EDAR: variants seen among roughly 807,000 people sequenced by gnomAD.
The protein encoded by EDAR is ectodysplasin A receptor.
Under a neutral mutation model 51.3 loss-of-function variants are expected in EDAR, and 38 were observed. The ratio of observed to expected loss-of-function variants is 0.74; its 90% CI spans 0.57 to 0.97. EDAR has a LOEUF of 0.97. EDAR is among the 50% of genes least tolerant of loss of function. The pLI, the probability that EDAR is intolerant of heterozygous loss-of-function variation, is 0.00. For missense variants in EDAR, 528 were observed against 595.0 expected (o/e 0.89, Z 1.17); for synonymous variants, 227 against 242.1 (o/e 0.94, Z 0.58).
intron 11 of EDAR, among the ~76,000 whole-genome samples, chr2:108,901,964 G>A (rs2105380778): frequency 6.6e-6 from 1 of 152,106 alleles, no homozygotes; most frequent in East Asian, 1.9e-4. Context: ...TTAGGGCTGG[G>A]CATGGTGGCT....
At chr2:108,961,785 C>T (rs1348785971) in intron 1 of EDAR, among the ~76,000 whole-genome samples, 1 of 152,140 alleles carries the variant, frequency 6.6e-6, no homozygotes, top group African/African-American at 2.4e-5. Flanking sequence ...GGTCTTTTAA[C>T]CTGCTGCTGC....
intron 2 of EDAR, 103 bp downstream of exon 2, chr2:108,930,861 G>T: frequency 1.6e-6 from 2 of 1,265,886 alleles, no homozygotes; most frequent in Non-Finnish European, 2.3e-6. Context: ...GTGGAGGAGG[G>T]ACTATGATCA....
Position 108,930,837 on chromosome 2 carries a change from C to T in EDAR, c.51+127G>A. The T allele has an allele frequency of 6.5e-6, 7 of 1,080,640 alleles. No individual in the cohort carries two copies. In the South Asian group the frequency reaches 6.5e-5, roughly 10 times the overall value. 66.9% of individuals were successfully genotyped at this position (1,080,640 alleles called of 1,614,324 possible). On this transcript the variant is annotated intron_variant, in intron 2 of 11. Coordinates refer to ENST00000258443, the MANE Select transcript of EDAR (RefSeq NM_022336.4). ...TTTGCAGGCCTGGTTTCATTTCACC[C>T]TCAGAAGAACCCTGTGGAGGAGGGA...
intron 5 of EDAR, among the ~76,000 whole-genome samples, chr2:108,913,240 C>T (rs554530383): frequency 1.2e-4 from 18 of 152,206 alleles, no homozygotes; most frequent in East Asian, 1.9e-4. Context: ...TGAGCCACCG[C>T]GCCCGGCTGG....
intron 1 of EDAR, among the ~76,000 whole-genome samples, chr2:108,959,497 T>C (rs1015438633): frequency 4.6e-5 from 7 of 152,202 alleles, no homozygotes; most frequent in African/African-American, 1.7e-4. Context: ...CAATGCTTTG[T>C]TTCTCTGTGA....
chr2:108,919,202 G>C (rs1697085062), intron 5 of EDAR, among the ~76,000 whole-genome samples: 1 of 152,138 alleles, frequency 6.6e-6, no homozygotes, highest in South Asian at 2.1e-4. Flanking sequence ...AGAGCATCCG[G>C]GCACAAGAGA....
rs1696932041 is a variant in EDAR at position 108,911,697 on chromosome 2, C to G, written c.530-625G>C. ...CATAAAATGCCCTGAAGCTCATTCT[C>G]ATTCTCTAAAATAACCAAACAGGAC... On this transcript the variant is annotated intron_variant, in intron 6 of 11. Coordinates refer to ENST00000258443, the MANE Select transcript of EDAR (RefSeq NM_022336.4). Among the ~76,000 whole-genome samples the G allele has an allele frequency of 1.3e-5, 2 of 152,300 alleles. 1 individual carries two copies. Among genetic ancestry groups the G allele is most frequent in the South Asian group, 4.1e-4 (2 of 4,830 alleles).
At chr2:108,981,078 G>A (rs987070666) in intron 1 of EDAR, among the ~76,000 whole-genome samples, 8 of 152,164 alleles carry the variant, frequency 5.3e-5, no homozygotes, top group African/African-American at 9.7e-5. Context: ...CTCACGGCCC[G>A]CTCTAAGCAC....
chr2:108,905,338 C>A (rs1350297737), intron 11 of EDAR, among the ~76,000 whole-genome samples: 1 of 152,202 alleles, frequency 6.6e-6, no homozygotes, highest in East Asian at 1.9e-4. Flanking sequence ...CAGCTGACAG[C>A]CCCAGGCCAT....
At chr2:108,937,717 ATG>A (rs1268398616) in intron 1 of EDAR, among the ~76,000 whole-genome samples, 5 of 151,130 alleles carry the variant, frequency 3.3e-5, no homozygotes, top group African/African-American at 7.3e-5. Flanking sequence ...ATGTGTGTGT[ATG>A]TGTGTGTGTA....
At chr2:108,955,797 C>T (rs1461083123) in intron 1 of EDAR, among the ~76,000 whole-genome samples, 2 of 151,940 alleles carry the variant, frequency 1.3e-5, no homozygotes, top group South Asian at 2.1e-4. Flanking sequence ...GAGGCCGAGG[C>T]GGGCAGACCA....
chr2:108,913,238 C>T (rs1055501174), intron 5 of EDAR, among the ~76,000 whole-genome samples: 24 of 152,078 alleles, frequency 1.6e-4, no homozygotes, highest in African/African-American at 4.1e-4. Flanking sequence ...CATGAGCCAC[C>T]GCGCCCGGCT....
At chr2:108,941,663 C>A (rs538622567) in intron 1 of EDAR, among the ~76,000 whole-genome samples, 1 of 152,344 alleles carries the variant, frequency 6.6e-6, no homozygotes, top group South Asian at 2.1e-4. Context: ...CAACAAGTCA[C>A]TTCCAAAAGA....
At chr2:108,973,434 A>C (rs1698269984) in intron 1 of EDAR, among the ~76,000 whole-genome samples, 1 of 152,204 alleles carries the variant, frequency 6.6e-6, no homozygotes, top group African/African-American at 2.4e-5. Flanking sequence ...GGCTCAGTGC[A>C]GTGCTGGCTG....
At chr2:108,985,328 C>T (rs1698478413) in intron 1 of EDAR, among the ~76,000 whole-genome samples, 1 of 152,148 alleles carries the variant, frequency 6.6e-6, no homozygotes, top group Non-Finnish European at 1.5e-5. Flanking sequence ...CTGATTTCGT[C>T]CGACTCACAA....
intron 11 of EDAR, among the ~76,000 whole-genome samples, chr2:108,906,083 GAGGGGA>G (rs1205954631): frequency 2.7e-5 from 4 of 149,686 alleles, no homozygotes; most frequent in Admixed American, 2.0e-4. Flanking sequence ...CCCGCCCCAT[GAGGGGA>G]AGGCCCATGG....
intron 9 of EDAR, among the ~76,000 whole-genome samples, chr2:108,908,236 C>G (rs1007904118): frequency 2.0e-4 from 30 of 152,200 alleles, no homozygotes; most frequent in African/African-American, 7.0e-4. Context: ...ACAAACAAGT[C>G]CGTGGTGGGT....
intron 10 of EDAR, 86 bp from the exon 11 acceptor site, chr2:108,906,454 A>G (rs1696808294): frequency 7.1e-7 from 1 of 1,414,258 alleles, no homozygotes; most frequent in Non-Finnish European, 1.0e-6. Context: ...AGGGGCAGGC[A>G]GCAGCTACGC....
At chr2:108,955,358 A>T (rs1376923241) in intron 1 of EDAR, among the ~76,000 whole-genome samples, 1 of 152,270 alleles carries the variant, frequency 6.6e-6, no homozygotes, top group Non-Finnish European at 1.5e-5. Flanking sequence ...ATTGTAAAAT[A>T]AAAGAAAAAT....
Sources: allele counts gnomAD v4.1 joint callset (sites outside exome capture counted in the v4.1 genomes callset), GRCh38; gene constraint gnomAD v4.1.1; transcripts MANE v1.5; gene names NCBI Gene and HGNC (gene_info 2026-07-23, HGNC 2026-07-21).